Variants in IHO1 observed in about 807,000 individuals in gnomAD.
The protein encoded by IHO1 is interactor of HORMAD1 1, also known as interactor of HORMAD1 protein 1.
Under a neutral mutation model 31.0 loss-of-function variants are expected in IHO1, and 13 were observed. That is an observed-to-expected ratio of 0.42 (90% confidence interval 0.27 to 0.67). The LOEUF (loss-of-function observed/expected upper bound fraction) is 0.67, where lower values mean the gene tolerates loss of function less well. IHO1 is among the 30% of genes least tolerant of loss of function. The pLI is 0.24. For synonymous variants in IHO1, 221 were observed against 248.4 expected (o/e 0.89, Z 1.04); for missense variants, 599 against 687.5 (o/e 0.87, Z 1.44).
intron 5 of IHO1, 39 bp downstream of exon 5, chr3:49,244,491 T>C (rs1408502810): frequency 1.4e-6 from 2 of 1,409,664 alleles, no homozygotes; most frequent in Admixed American, 2.1e-5. Context: ...GAACATCTTA[T>C]ATTTTAAGAA....
At position 49,256,821 on chromosome 3, in the gene IHO1, A is replaced by G. The variant is rs745797701; in HGVS notation, c.1324A>G (p.Lys442Glu). ...GTVEMRGKDK[K>E]QQPRKAHRAH... ...TGTAGAAATGCGGGGGAAAGACAAG[A>G]AGCAGCAGCCCAGGAAGGCCCACAG... is the stretch of plus-strand genomic sequence containing the variant. Residue 442 changes from lysine to glutamate, a missense_variant, in exon 8 of 8, where the codon AAG becomes GAG. Transcript: ENST00000452691. This position sits in a 1 kb window ranked among gnomAD's most constrained non-coding sequence, Gnocchi z 4.6. 1 of 1,614,234 alleles carries G rather than the reference A, an allele frequency of 6.2e-7. No homozygotes were observed. The highest frequency in any genetic ancestry group is 1.1e-5 in the South Asian group (1 of 91,084).
the IHO1 span, among the ~76,000 whole-genome samples, chr3:49,193,031 C>T: frequency 3.3e-5 from 5 of 152,108 alleles, no homozygotes; most frequent in African/African-American, 2.4e-5. Context: ...AAATTACTAG[C>T]GTTACTATAA....
At chr3:49,206,967 G>T (rs1055967829) in intron 1 of IHO1, among the ~76,000 whole-genome samples, 3 of 146,720 alleles carry the variant, frequency 2.0e-5, no homozygotes, top group Non-Finnish European at 4.5e-5. Flanking sequence ...AGAATTGCTT[G>T]AACCCAGGAG....
chr3:49,238,350 C>T (rs920820661), intron 3 of IHO1, among the ~76,000 whole-genome samples: 9 of 152,028 alleles, frequency 5.9e-5, no homozygotes, highest in African/African-American at 2.2e-4. Context: ...GGCTGTAGTG[C>T]AGTGGTGCTG....
intron 1 of IHO1, among the ~76,000 whole-genome samples, chr3:49,206,563 G>A (rs746887777): frequency 7.2e-5 from 11 of 152,186 alleles, no homozygotes; most frequent in Non-Finnish European, 1.3e-4. Flanking sequence ...TGGATTTGGC[G>A]GGTTTTGAAC....
chr3:49,201,712 C>CGTGA (rs1204999596), intron 1 of IHO1, among the ~76,000 whole-genome samples: 1 of 152,034 alleles, frequency 6.6e-6, no homozygotes, highest in Non-Finnish European at 1.5e-5. Context: ...AGCTCAGGAG[C>CGTGA]GTGAGACCTG....
chr3:49,225,111 GT>G (rs1367717893), intron 2 of IHO1, among the ~76,000 whole-genome samples: 1 of 152,182 alleles, frequency 6.6e-6, no homozygotes, highest in Admixed American at 6.5e-5. Context: ...TGGTTATGGG[GT>G]TGTCCTGCGG....
rs1305461207 is a variant in IHO1, at chr3:49,220,211, T to A, written c.56+8375T>A. ...TTATAGCTACATTTGAGCCTTTTCC[T>A]TTTAAATTCGGGAAATGCCATGAGG... On this transcript the variant is annotated intron_variant, in intron 2 of 7. Coordinates refer to ENST00000452691, the MANE Select transcript of IHO1 (RefSeq NM_001135197.2). Among the ~76,000 whole-genome samples the A allele has an allele frequency of 5.9e-5, 9 of 152,328 alleles. No homozygotes were observed. The East Asian group carries it at 1.5e-3, about 26-fold the overall frequency.
chr3:49,235,518 G>A (rs893521361), intron 2 of IHO1, among the ~76,000 whole-genome samples: 113 of 151,782 alleles, frequency 7.4e-4, no homozygotes, highest in Admixed American at 2.0e-3. Context: ...GTGAGCCACC[G>A]CACCCGGCCG....
At chr3:49,192,926 A>G in the IHO1 span, among the ~76,000 whole-genome samples, 1 of 151,720 alleles carries the variant, frequency 6.6e-6, no homozygotes, top group Admixed American at 6.6e-5. Context: ...GAATGAATGA[A>G]TATTCACTGT....
Position 49,230,684 on chromosome 3 carries a change from G to A in IHO1, c.57-5864G>A, listed in dbSNP as rs538298174. The stretch of plus-strand genomic sequence containing the variant: ...GATTTCTCACACTGGTTTATTTATA[G>A]CTTCTGACAAAATTCAGACTAATAC... On this transcript the variant is annotated intron_variant, in intron 2 of 7. Coordinates refer to ENST00000452691, the MANE Select transcript of IHO1 (RefSeq NM_001135197.2). Among the ~76,000 whole-genome samples the A allele has an allele frequency of 2.0e-5, 3 of 152,258 alleles. No homozygotes were observed. In the South Asian group the frequency reaches 6.2e-4, roughly 31 times the overall value.
intron 2 of IHO1, among the ~76,000 whole-genome samples, chr3:49,224,925 G>C (rs763652259): frequency 6.6e-6 from 1 of 152,044 alleles, no homozygotes; most frequent in Non-Finnish European, 1.5e-5. Flanking sequence ...GTCTGATAGC[G>C]ATAAACTTCC....
chr3:49,243,587 T>C (rs2046657207), intron 4 of IHO1, among the ~76,000 whole-genome samples: 1 of 151,228 alleles, frequency 6.6e-6, no homozygotes, highest in Non-Finnish European at 1.5e-5. Flanking sequence ...TGAAACCCCG[T>C]CTCTACTAAA....
At chr3:49,254,576 G>A (rs1454096106) in intron 6 of IHO1, among the ~76,000 whole-genome samples, 1 of 152,054 alleles carries the variant, frequency 6.6e-6, no homozygotes, top group African/African-American at 2.4e-5. Flanking sequence ...GGTTGCGGGG[G>A]GCGGGGGGAA....
chr3:49,211,656 A>T, intron 1 of IHO1, 110 bp from the exon 2 acceptor site: 1 of 409,978 alleles, frequency 2.4e-6, no homozygotes, highest in Non-Finnish European at 4.5e-6. Context: ...CACTAATTGG[A>T]TGGGAATATA....
At chr3:49,237,782 A>C (rs941521225) in intron 3 of IHO1, among the ~76,000 whole-genome samples, 2 of 151,804 alleles carry the variant, frequency 1.3e-5, no homozygotes, top group Non-Finnish European at 2.9e-5. Flanking sequence ...ATGTCCTTGA[A>C]GAAGAAGGAG....
the IHO1 span, chr3:49,191,554 G>T: frequency 1.4e-6 from 1 of 704,180 alleles, no homozygotes; most frequent in Non-Finnish European, 2.6e-6. Context: ...ATGGAAGGGG[G>T]CAAAGTGTTA....
intron 2 of IHO1, among the ~76,000 whole-genome samples, chr3:49,229,510 C>T (rs913251511): frequency 6.6e-5 from 10 of 152,146 alleles, no homozygotes; most frequent in African/African-American, 1.9e-4. Context: ...CTGATTGTGC[C>T]GTATGTAGAA....
chr3:49,232,790 G>A (rs1390015580), intron 2 of IHO1, among the ~76,000 whole-genome samples: 1 of 152,168 alleles, frequency 6.6e-6, no homozygotes, highest in East Asian at 1.9e-4. Context: ...TATGATAGCG[G>A]TGATCACCAT....
Sources: allele counts gnomAD v4.1 joint callset (sites outside exome capture counted in the v4.1 genomes callset), GRCh38; gene constraint gnomAD v4.1.1; non-coding constraint Gnocchi (gnomAD v3.1); transcripts MANE v1.5; gene names NCBI Gene and HGNC (gene_info 2026-07-23, HGNC 2026-07-21).